Variants in TLE2 observed in about 807,000 individuals in gnomAD.
The protein encoded by TLE2 is TLE family member 2, transcriptional corepressor, also known as transducin-like enhancer protein 2.
A neutral mutation model predicts 97.2 loss-of-function variants in TLE2; 74 were observed. The ratio of observed to expected loss-of-function variants is 0.76; its 90% CI spans 0.63 to 0.92. TLE2 has a LOEUF of 0.92. TLE2 is among the 40% of genes least tolerant of loss of function. TLE2 has a pLI of 0.00. For synonymous variants in TLE2, 499 were observed against 432.1 expected (o/e 1.15, Z -1.92); for missense variants, 1,038 against 1,008.7 (o/e 1.03, Z -0.39).
chr19:3,026,358 G>A (rs936740783), intron 4 of TLE2, among the ~76,000 whole-genome samples: 2 of 151,494 alleles, frequency 1.3e-5, no homozygotes, highest in Non-Finnish European at 2.9e-5. Flanking sequence ...TGAGGCAGGA[G>A]AGGCGCTTGC....
intron 5 of TLE2, among the ~76,000 whole-genome samples, chr19:3,021,548 C>G (rs540078965): frequency 2.6e-5 from 4 of 152,144 alleles, no homozygotes; most frequent in Admixed American, 1.3e-4. Flanking sequence ...TAAGTGAATA[C>G]AAGTTTAAAT....
intron 2 of TLE2, 80 bp from the exon 3 acceptor site, chr19:3,028,462 C>A (rs1599246623): frequency 7.1e-7 from 1 of 1,411,708 alleles, no homozygotes. Flanking sequence ...GGATCTCCCC[C>A]TCCCGACTTC....
At position 2,997,883 on chromosome 19, in the gene TLE2, C is replaced by G. The variant is rs889039790; in HGVS notation, c.2197G>C (p.Asp733His). 29 of 1,612,242 alleles carry G rather than the reference C, an allele frequency of 1.8e-5. No homozygotes were observed. The highest frequency in any genetic ancestry group is 6.7e-5 in the African/African-American group (5 of 74,858). Reference protein sequence around the residue: ...NNKYIVTGSGDKKATVYEVVY With the variant: ...NNKYIVTGSGHKKATVYEVVY ...ACCTCATACACGGTGGCCTTCTTGT[C>G]CCCCGAGCCTGTCACGATGTATTTG... Residue 733 changes from aspartate to histidine, a missense_variant, in exon 20 of 20, where the codon GAC becomes CAC. By Grantham distance (81) the Asp-to-His change is moderately conservative. Coordinates refer to ENST00000262953, the MANE Select transcript of TLE2 (RefSeq NM_003260.5).
At chr19:2,998,071 G>A (rs1299820900) in intron 19 of TLE2, 116 bp from the exon 20 acceptor site, 2 of 675,700 alleles carry the variant, frequency 3.0e-6, no homozygotes, top group African/African-American at 3.6e-5. Context: ...CCTACAGAGT[G>A]ACGTGTTTCT....
chr19:3,021,217 C>G (rs2089837023), intron 5 of TLE2, among the ~76,000 whole-genome samples: 1 of 150,124 alleles, frequency 6.7e-6, no homozygotes, highest in Non-Finnish European at 1.5e-5. Context: ...CCAACCTGAC[C>G]AAGATGGTGA....
At chr19:3,023,503 T>C (rs1352441237) in intron 5 of TLE2, among the ~76,000 whole-genome samples, 1 of 152,164 alleles carries the variant, frequency 6.6e-6, no homozygotes, top group Non-Finnish European at 1.5e-5. Flanking sequence ...CCCCTCTGGG[T>C]TTGGTCCTCA....
chr19:3,028,459 C>T, intron 2 of TLE2, 77 bp from the exon 3 acceptor site: 1 of 1,421,974 alleles, frequency 7.0e-7, no homozygotes, highest in East Asian at 2.5e-5. Context: ...GCTGGATCTC[C>T]CCCTCCCGAC....
chr19:3,000,472 G>T (rs951011621), intron 19 of TLE2, among the ~76,000 whole-genome samples, 175 bp downstream of exon 19: 1 of 152,018 alleles, frequency 6.6e-6, no homozygotes, highest in African/African-American at 2.4e-5. Context: ...GCCTCCGGCT[G>T]AAATTCCAAC....
intron 17 of TLE2, 127 bp from the exon 18 acceptor site, chr19:3,002,630 C>T: frequency 8.5e-7 from 1 of 1,175,616 alleles, no homozygotes; most frequent in Non-Finnish European, 1.2e-6. Flanking sequence ...CCTTGACCTC[C>T]AGGGCTCAAG....
In TLE2 at chr19:3,013,667, AC is replaced by A; in HGVS notation, c.873+1del. 1 of 1,376,556 alleles carries A rather than the reference AC, an allele frequency of 7.3e-7. No individual in the cohort carries two copies. Among genetic ancestry groups the A allele is most frequent in the Non-Finnish European group, 9.5e-7 (1 of 1,055,290 alleles). The allele number at this position is 1,376,556 out of a possible 1,614,324, so 85.3% of individuals were successfully genotyped here. ...GTTTCAAGGCCCTCCCCTCCTCCTT[AC>A]CAGGATGAGCTCCTTGGCTCTAGGC... On this transcript the variant is annotated splice_donor_variant, in intron 11 of 19. Coordinates refer to ENST00000262953, the MANE Select transcript of TLE2 (RefSeq NM_003260.5). LOFTEE classifies it high-confidence loss of function.
chr19:3,008,354 C>A (rs1479059676), intron 14 of TLE2, among the ~76,000 whole-genome samples: 1 of 152,218 alleles, frequency 6.6e-6, no homozygotes, highest in Non-Finnish European at 1.5e-5. Flanking sequence ...CCACACGTGT[C>A]CCCCGACATC....
At chr19:3,009,093 T>TG (rs1274707157) in intron 13 of TLE2, 148 bp from the exon 14 acceptor site, 1 of 581,136 alleles carries the variant, frequency 1.7e-6, no homozygotes, top group Non-Finnish European at 2.9e-6. Context: ...ACACTACAGA[T>TG]GAGAGGGCTG....
chr19:3,010,919 A>G, intron 12 of TLE2, 103 bp downstream of exon 12: 1 of 1,455,216 alleles, frequency 6.9e-7, no homozygotes, highest in Non-Finnish European at 9.2e-7. Flanking sequence ...GGCAATGAAC[A>G]CCAAGCCTGG....
chr19:3,016,020 C>T, intron 8 of TLE2: 1 of 558,302 alleles, frequency 1.8e-6, no homozygotes, highest in Non-Finnish European at 3.4e-6. Context: ...CACTGAGACC[C>T]CCGCCTCCCG....
intron 11 of TLE2, 65 bp downstream of exon 11, chr19:3,013,604 T>C: frequency 2.3e-6 from 3 of 1,293,326 alleles, no homozygotes; most frequent in Non-Finnish European, 3.0e-6. Context: ...CATCATGGGG[T>C]AGCGTCTGCT....
At chr19:3,025,362 C>A in intron 4 of TLE2, 1 of 1,226,904 alleles carries the variant, frequency 8.2e-7, no homozygotes, top group Non-Finnish European at 1.0e-6. Flanking sequence ...CAGACGCACA[C>A]CCGCCAGGGA....
intron 17 of TLE2, among the ~76,000 whole-genome samples, chr19:3,004,868 G>A (rs968448060): frequency 6.6e-6 from 1 of 152,112 alleles, no homozygotes; most frequent in East Asian, 1.9e-4. Context: ...TGCCCCCAAA[G>A]CAGTGAGAGG....
At chr19:3,024,894 TG>T in intron 5 of TLE2, 125 bp downstream of exon 5, 1 of 784,542 alleles carries the variant, frequency 1.3e-6, no homozygotes, top group Non-Finnish European at 2.0e-6. Context: ...GCAGTGAAAA[TG>T]GTCTCTATCC....
rs940048015 is a variant in TLE2, at chr19:3,019,444, G to A, written c.389C>T (p.Ser130Phe). ...GAGGGGCACAGGGGGTGCGTGGTGG[G>A]ACAGCGGCTGGAGCTGCTGCTGCTA... The part of the protein sequence containing the change: ...SLIGQQLQPL[S>F]HHAPPVPLTP... Residue 130 changes from serine (S) to phenylalanine (F), a missense_variant, in exon 7 of 20, where the codon TCC (serine) becomes TTC (phenylalanine). Coordinates refer to ENST00000262953, the MANE Select transcript of TLE2 (RefSeq NM_003260.5). This position sits in a 1 kb window ranked among gnomAD's most constrained non-coding sequence, Gnocchi z 5.1. The A allele has an allele frequency of 9.2e-6, 14 of 1,527,278 alleles. No individual in the cohort carries two copies. Among genetic ancestry groups the A allele is most frequent in the African/African-American group, 2.7e-5 (2 of 72,860 alleles). 94.6% of individuals were successfully genotyped at this position (1,527,278 alleles called of 1,614,324 possible).
Sources: allele counts gnomAD v4.1 joint callset (sites outside exome capture counted in the v4.1 genomes callset), GRCh38; gene constraint gnomAD v4.1.1; non-coding constraint Gnocchi (gnomAD v3.1); transcripts MANE v1.5; gene names NCBI Gene and HGNC (gene_info 2026-07-23, HGNC 2026-07-21).